CNTNAP2: variants seen among roughly 807,000 people sequenced by gnomAD.
CNTNAP2 encodes the protein contactin-associated protein-like 2.
CNTNAP2 carries 98 observed loss-of-function variants against 155.2 expected under a neutral mutation model. That is an observed-to-expected ratio of 0.63 (90% CI 0.54 to 0.75). The LOEUF (loss-of-function observed/expected upper bound fraction) is 0.75. Among genes scored for constraint, CNTNAP2 ranks in the 30% least tolerant of loss-of-function variants. CNTNAP2 has a pLI of 0.00. For synonymous variants in CNTNAP2, 651 were observed against 631.2 expected (o/e 1.03, Z -0.47); for missense variants, 1,727 against 1,688.1 (o/e 1.02, Z -0.40).
rs34592169 is a variant in CNTNAP2 at position 147,395,769 on chromosome 7, G to T, written c.1659G>T (p.Ala553=). ...SFANVSIDMC[A]IIDRCVPNHC... ...CGAATGTCAGCATTGACATGTGTGC[G>T]ATCATAGACAGGTAAATGATCTTTT... Residue 553 remains alanine (A), a synonymous_variant, in exon 10 of 24, where the codon GCG becomes GCT. Coordinates refer to ENST00000361727, the MANE Select transcript of CNTNAP2 (RefSeq NM_014141.6). 2 of 1,611,924 alleles carry T rather than the reference G, an allele frequency of 1.2e-6. No individual in the cohort carries two copies. Among genetic ancestry groups the T allele is most frequent in the South Asian group, 1.1e-5 (1 of 91,038 alleles).
intron 1 of CNTNAP2, among the ~76,000 whole-genome samples, chr7:146,293,370 G>T (rs894487325): frequency 3.3e-5 from 5 of 152,100 alleles, no homozygotes; most frequent in Admixed American, 2.0e-4. Flanking sequence ...TAATAAAAAT[G>T]GATTAGAAAA....
At chr7:148,251,178 A>G (rs2116815791) in intron 20 of CNTNAP2, among the ~76,000 whole-genome samples, 1 of 152,212 alleles carries the variant, frequency 6.6e-6, no homozygotes. Flanking sequence ...TCTCCAGGTG[A>G]CCCTCATTTA....
chr7:147,606,418 G>A (rs1584850204), intron 12 of CNTNAP2, among the ~76,000 whole-genome samples: 1 of 152,176 alleles, frequency 6.6e-6, no homozygotes, highest in East Asian at 1.9e-4. Context: ...TCCGAAATCA[G>A]AGATTTGCTA....
At chr7:148,029,117 T>G (rs984557649) in intron 15 of CNTNAP2, among the ~76,000 whole-genome samples, 3 of 152,208 alleles carry the variant, frequency 2.0e-5, no homozygotes, top group Admixed American at 6.5e-5. Flanking sequence ...TTTTAACCTC[T>G]CTTAGGAGAT....
chr7:147,839,939 T>TACACACACACACACACAC lies in CNTNAP2; in HGVS notation c.2099-63609_2099-63608insCACACACACACACACACA, dbSNP rs376480999. Among the ~76,000 whole-genome samples, 312 of 149,848 alleles carry TACACACACACACACACAC rather than the reference T, an allele frequency of 2.1e-3. 2 individuals carry two copies. The highest frequency in any genetic ancestry group is 7.4e-3 in the African/African-American group (302 of 40,700). ...TGTGTGCTGTGTATATATATATGTA[T>TACACACACACACACACAC]ACACACACACACACACATATATATA... On this transcript the variant is annotated intron_variant, in intron 13 of 23. Coordinates refer to ENST00000361727, the MANE Select transcript of CNTNAP2 (RefSeq NM_014141.6).
rs114035849 is a variant in CNTNAP2, at chr7:147,281,862, C to A, written c.1349-18279C>A. ...GAGAATTGGTTTTCACTGAATTGATCTAGAGACCCTTCCCTTGACTATGAC... is the reference window on the plus strand; with the variant it reads ...GAGAATTGGTTTTCACTGAATTGATATAGAGACCCTTCCCTTGACTATGAC... On this transcript the variant is annotated intron_variant, in intron 8 of 23. Transcript: ENST00000361727. Among the ~76,000 whole-genome samples the A allele has an allele frequency of 8.4e-3, 1,282 of 151,878 alleles. 24 individuals carry two copies. Among genetic ancestry groups the A allele is most frequent in the African/African-American group, 0.029 (1,193 of 41,478 alleles).
intron 21 of CNTNAP2, among the ~76,000 whole-genome samples, chr7:148,275,803 C>T (rs1796860743): frequency 6.6e-6 from 1 of 152,138 alleles, no homozygotes; most frequent in African/African-American, 2.4e-5. Context: ...CCATTCTTGC[C>T]ATATGCTATT....
rs941350032 is a variant in CNTNAP2 at position 146,850,829 on chromosome 7, G to T, written c.402+10925G>T. The stretch of plus-strand genomic sequence containing the variant: ...TAAACTAATCAAACAGTGGAGCTAG[G>T]ATAGGAAACCAAAGCTACCTAACTA... On this transcript the variant is annotated intron_variant, in intron 3 of 23. Coordinates refer to ENST00000361727, the MANE Select transcript of CNTNAP2 (RefSeq NM_014141.6). 7.9e-5 allele frequency among the ~76,000 whole-genome samples: 12 copies of T among 152,132 alleles called. 1 individual carries two copies. Among genetic ancestry groups the T allele is most frequent in the Admixed American group, 3.9e-4 (6 of 15,266 alleles).
At chr7:147,057,391 T>C (rs964971782) in intron 4 of CNTNAP2, among the ~76,000 whole-genome samples, 6 of 152,206 alleles carry the variant, frequency 3.9e-5, no homozygotes, top group African/African-American at 1.4e-4. Context: ...GTTTTTCTTC[T>C]TCTTATATCT....
intron 3 of CNTNAP2, among the ~76,000 whole-genome samples, chr7:147,014,474 A>C (rs1798683558): frequency 6.6e-6 from 1 of 152,156 alleles, no homozygotes; most frequent in Non-Finnish European, 1.5e-5. Context: ...AAATAGGCTA[A>C]CTTCCCAGAA....
intron 4 of CNTNAP2, among the ~76,000 whole-genome samples, chr7:147,050,583 T>C (rs1393261158): frequency 2.0e-5 from 3 of 152,162 alleles, no homozygotes; most frequent in Admixed American, 6.5e-5. Flanking sequence ...CAGTGTTTGG[T>C]CATTTTCATG....
chr7:148,067,185 A>C (rs1442242964), intron 15 of CNTNAP2, among the ~76,000 whole-genome samples: 2 of 152,252 alleles, frequency 1.3e-5, no homozygotes, highest in East Asian at 3.9e-4. Flanking sequence ...TTGCTTTGTC[A>C]TATTACCAGA....
chr7:147,405,282 A>C (rs529723770), intron 10 of CNTNAP2, among the ~76,000 whole-genome samples: 1 of 152,202 alleles, frequency 6.6e-6, no homozygotes, highest in Admixed American at 6.5e-5. Flanking sequence ...TAAAAATAAG[A>C]GCAATTGATT....
chr7:146,352,587 T>G (rs1794930372), intron 1 of CNTNAP2, among the ~76,000 whole-genome samples: 1 of 151,960 alleles, frequency 6.6e-6, no homozygotes, highest in South Asian at 2.1e-4. Context: ...TAATCATTAA[T>G]CGGCCCATGG....
intron 8 of CNTNAP2, among the ~76,000 whole-genome samples, chr7:147,296,511 G>C (rs1474143367): frequency 6.6e-6 from 1 of 152,128 alleles, no homozygotes; most frequent in African/African-American, 2.4e-5. Flanking sequence ...TGAAAGATAA[G>C]AAATAACATT....
At chr7:148,085,146 T>A (rs921227332) in intron 15 of CNTNAP2, among the ~76,000 whole-genome samples, 2 of 152,226 alleles carry the variant, frequency 1.3e-5, no homozygotes, top group African/African-American at 4.8e-5. Flanking sequence ...AAAACCCAGT[T>A]ATGACCTATA....
chr7:147,478,144 C>A (rs1208714985), intron 10 of CNTNAP2, among the ~76,000 whole-genome samples: 1 of 150,526 alleles, frequency 6.6e-6, no homozygotes, highest in African/African-American at 2.4e-5. Flanking sequence ...TTTTCTTTTT[C>A]TTTCTTTCTT....
chr7:146,751,499 C>T (rs891517132), intron 1 of CNTNAP2, among the ~76,000 whole-genome samples: 3 of 152,252 alleles, frequency 2.0e-5, no homozygotes, highest in African/African-American at 7.2e-5. Flanking sequence ...AAGTTCTTGA[C>T]TAAGTGATTC....
chr7:148,087,291 T>C (rs1379722589), intron 15 of CNTNAP2, among the ~76,000 whole-genome samples: 1 of 152,220 alleles, frequency 6.6e-6, no homozygotes, highest in Non-Finnish European at 1.5e-5. Flanking sequence ...TTGTGTCTAT[T>C]GTACTACCCA....
Sources: allele counts gnomAD v4.1 joint callset (sites outside exome capture counted in the v4.1 genomes callset), GRCh38; gene constraint gnomAD v4.1.1; transcripts MANE v1.5; gene names NCBI Gene and HGNC (gene_info 2026-07-23, HGNC 2026-07-21).